TRMT2B: variants seen among roughly 807,000 people sequenced by gnomAD.
TRMT2B encodes tRNA (uracil-5-)-methyltransferase homolog B.
In TRMT2B, 34 loss-of-function variants were observed where a neutral mutation model predicts 39.7. That is an observed-to-expected ratio of 0.86 (90% CI 0.65 to 1.14). TRMT2B has a LOEUF of 1.14. Ranked by LOEUF, TRMT2B falls within the 50% of genes most tolerant of loss-of-function variation. The probability of loss-of-function intolerance (pLI) is 0.00; values close to 1 mark genes in which losing one functional copy is unlikely to be tolerated. For missense variants in TRMT2B, 318 were observed against 377.2 expected, an observed-to-expected ratio of 0.84 and a Z score of 1.30; for synonymous variants, 132 against 137.3, an observed-to-expected ratio of 0.96 and a Z score of 0.27.
chrX:101,019,983 A>G (rs1379672055), intron 11 of TRMT2B, among the ~76,000 whole-genome samples: 1 of 110,874 alleles, frequency 9.0e-6, no homozygotes, highest in Admixed American at 9.7e-5. Context: ...CAAGATGAGA[A>G]CCTTGACTTT....
chrX:100,993,077 T>G, the TRMT2B span, among the ~76,000 whole-genome samples: 1 of 112,220 alleles, frequency 8.9e-6, no homozygotes, highest in African/African-American at 3.2e-5. Context: ...TTGATAGGAT[T>G]CTGACTGAGG....
chrX:100,999,264 A>G, the TRMT2B span, among the ~76,000 whole-genome samples: 2 of 112,577 alleles, frequency 1.8e-5, no homozygotes, highest in Admixed American at 1.9e-4. Flanking sequence ...AATGAAATAG[A>G]ATCACCTGAT....
At chrX:100,992,580 CA>C in the TRMT2B span, among the ~76,000 whole-genome samples, 2 of 106,046 alleles carry the variant, frequency 1.9e-5, no homozygotes, top group African/African-American at 3.4e-5. Context: ...GATTCGGTCT[CA>C]AAAAAAAAAT....
intron 7 of TRMT2B, among the ~76,000 whole-genome samples, chrX:101,025,931 G>A (rs752396411): frequency 1.9e-5 from 2 of 107,934 alleles, no homozygotes; most frequent in East Asian, 2.9e-4. Context: ...CAGCCTAGGC[G>A]AGAGTGAGAC....
intron 7 of TRMT2B, among the ~76,000 whole-genome samples, chrX:101,025,360 A>G (rs1475729594): frequency 6.3e-5 from 7 of 111,451 alleles, no homozygotes; most frequent in African/African-American, 2.3e-4. Flanking sequence ...TATACAAGTC[A>G]AATGCAATCC....
chrX:100,989,230 C>T, the TRMT2B span, among the ~76,000 whole-genome samples: 5 of 111,193 alleles, frequency 4.5e-5, no homozygotes, highest in African/African-American at 1.6e-4. Flanking sequence ...ATAGAAATAC[C>T]TGGAGGAATA....
intron 6 of TRMT2B, among the ~76,000 whole-genome samples, chrX:101,035,978 A>G (rs866369830): frequency 3.6e-5 from 4 of 112,271 alleles, no homozygotes; most frequent in African/African-American, 1.3e-4. Flanking sequence ...TTATTTTTCT[A>G]TTACTGAATA....
In TRMT2B at chrX:101,048,165, G is replaced by A. The variant is rs1054763098; in HGVS notation, c.-24+3086C>T. ...ACACACACACACAGAGAAAATTATT[G>A]CTAAATTAACATTCCATGATCAATA... On this transcript the variant is annotated intron_variant, in intron 2 of 13. Transcript: ENST00000372936. Among the ~76,000 whole-genome samples the A allele has an allele frequency of 2.9e-5, 3 of 102,254 alleles. No individual in the cohort carries two copies. In the Admixed American group the frequency reaches 3.3e-4, roughly 11 times the overall value. The allele number at this position is 102,254 out of a possible 115,157, so 88.8% of individuals were successfully genotyped here.
chrX:100,994,387 A>G, the TRMT2B span, among the ~76,000 whole-genome samples: 2 of 111,941 alleles, frequency 1.8e-5, no homozygotes, highest in Non-Finnish European at 3.8e-5. Flanking sequence ...CTTGCAGCTT[A>G]TGAATGACCC....
the TRMT2B span, among the ~76,000 whole-genome samples, chrX:100,982,059 C>A: frequency 9.0e-6 from 1 of 110,841 alleles, no homozygotes; most frequent in East Asian, 2.8e-4. Context: ...CTGGCACAAG[C>A]AGGTGTCCTA....
intron 7 of TRMT2B, among the ~76,000 whole-genome samples, chrX:101,035,390 C>T (rs2087774268): frequency 8.9e-6 from 1 of 111,787 alleles, no homozygotes; most frequent in African/African-American, 3.2e-5. Context: ...CCTTAGATGC[C>T]TGATACTTAC....
At position 101,051,592 on chromosome X, in the gene TRMT2B, G is replaced by T; in HGVS notation, c.-365C>A. ...CTGCAGGGCCCGGGAAGGACAGAAA[G>T]TAAGGGAGTGGGAGGAGTTAGGGCA... On this transcript the variant is annotated 5_prime_UTR_variant, in exon 2 of 14. Transcript: ENST00000372936. 2.6e-6 allele frequency: 2 copies of T among 754,842 alleles called. No homozygotes were observed. The highest frequency in any genetic ancestry group is 3.1e-6 in the Non-Finnish European group (2 of 639,556). 62.2% of individuals were successfully genotyped at this position (754,842 alleles called of 1,213,427 possible).
intron 7 of TRMT2B, among the ~76,000 whole-genome samples, chrX:101,034,287 G>A (rs2087695562): frequency 9.2e-6 from 1 of 108,369 alleles, no homozygotes; most frequent in South Asian, 4.1e-4. Flanking sequence ...GACTATAGGC[G>A]TGCGCCACTA....
chrX:100,974,543 T>C, the TRMT2B span, among the ~76,000 whole-genome samples: 54 of 111,517 alleles, frequency 4.8e-4, no homozygotes, highest in East Asian at 0.011. Context: ...TTATGAAGGA[T>C]AGCATGTTTG....
chrX:100,988,851 C>CATATATATATATATATATATAT, the TRMT2B span, among the ~76,000 whole-genome samples: 1 of 79,688 alleles, frequency 1.3e-5, no homozygotes. Flanking sequence ...TAATATATCT[C>CATATATATATATATATATATAT]ATATATATAT....
intron 7 of TRMT2B, among the ~76,000 whole-genome samples, chrX:101,028,730 C>T (rs1054941057): frequency 4.5e-5 from 5 of 111,750 alleles, no homozygotes; most frequent in Non-Finnish European, 9.4e-5. Context: ...ATGTCCCCAC[C>T]CAAATCTTAT....
At chrX:101,012,314 A>ATT (rs56718902) in intron 13 of TRMT2B, among the ~76,000 whole-genome samples, 11 of 106,330 alleles carry the variant, frequency 1.0e-4, no homozygotes, top group Admixed American at 4.1e-4. Context: ...CTCCATTATA[A>ATT]TTTTTTTTTC....
At chrX:101,022,482 G>A (rs2086846190) in intron 8 of TRMT2B, among the ~76,000 whole-genome samples, 1 of 110,898 alleles carries the variant, frequency 9.0e-6, no homozygotes, top group Admixed American at 9.7e-5. Flanking sequence ...TTAGCCGGGC[G>A]TGCTGGCACG....
At position 101,037,055 on chromosome X, in the gene TRMT2B, G is replaced by A. The variant is rs753200014; in HGVS notation, c.457C>T (p.Arg153Ter). 6 of 1,207,803 alleles carry A rather than the reference G, an allele frequency of 5.0e-6. No individual in the cohort carries two copies. The highest frequency in any genetic ancestry group is 3.5e-5 in the African/African-American group (2 of 57,080). ...TTCACAGAGAAGGTGGACTTATTTC[G>A]GTAACCATTGATGACAGGCTGGAGA... ...IIPSPVINGY[R>*]NKSTFSVNRG... The change falls in exon 6 of 14, where the codon CGA (arginine) becomes TGA (stop). Residue 153 changes from arginine to a stop codon, truncating the protein, a stop_gained. Coordinates refer to ENST00000372936, the MANE Select transcript of TRMT2B (RefSeq NM_024917.6). LOFTEE classifies it high-confidence loss of function.
Sources: allele counts gnomAD v4.1 joint callset (sites outside exome capture counted in the v4.1 genomes callset), GRCh38; gene constraint gnomAD v4.1.1; transcripts MANE v1.5; gene names NCBI Gene and HGNC (gene_info 2026-07-23, HGNC 2026-07-21).